TPH2: variants seen among roughly 807,000 people sequenced by gnomAD.
TPH2 encodes tryptophan 5-hydroxylase 2.
Under a neutral mutation model 59.1 loss-of-function variants are expected in TPH2, and 27 were observed. The ratio of observed to expected loss-of-function variants is 0.46; its 90% CI spans 0.34 to 0.63. The LOEUF (loss-of-function observed/expected upper bound fraction) is 0.63, where lower values mean the gene tolerates loss of function less well. TPH2 is among the 30% of genes least tolerant of loss of function. The probability of loss-of-function intolerance (pLI) is 0.01; values close to 1 mark genes in which losing one functional copy is unlikely to be tolerated. For synonymous variants in TPH2, 220 were observed against 210.5 expected (o/e 1.05, Z -0.39); for missense variants, 523 against 588.3 (o/e 0.89, Z 1.15).
intron 5 of TPH2, among the ~76,000 whole-genome samples, chr12:71,952,823 A>C (rs74104735): frequency 0.02 from 3,121 of 152,258 alleles, 96 homozygotes; most frequent in African/African-American, 0.069. Context: ...AAGAACTAAA[A>C]CAGAGAATGC....
intron 4 of TPH2, among the ~76,000 whole-genome samples, chr12:71,947,182 C>A (rs1037080642): frequency 2.0e-5 from 3 of 152,084 alleles, no homozygotes; most frequent in African/African-American, 4.8e-5. Context: ...TCCAGCTCAG[C>A]GATTCTCATC....
intron 7 of TPH2, among the ~76,000 whole-genome samples, chr12:71,986,791 G>A (rs138832591): frequency 6.6e-6 from 1 of 152,252 alleles, no homozygotes; most frequent in African/African-American, 2.4e-5. Flanking sequence ...TCAGCACTCT[G>A]TAGTCAGGGA....
intron 5 of TPH2, 118 bp downstream of exon 5, chr12:71,949,773 TA>T: frequency 1.2e-6 from 1 of 819,166 alleles, no homozygotes; most frequent in South Asian, 1.4e-5. Flanking sequence ...TGAACCATTT[TA>T]AACACTCACC....
intron 7 of TPH2, among the ~76,000 whole-genome samples, chr12:71,990,099 G>A (rs1297385829): frequency 6.6e-6 from 1 of 152,138 alleles, no homozygotes; most frequent in Non-Finnish European, 1.5e-5. Context: ...AGGGATGGGA[G>A]TTAAAAAGAA....
intron 9 of TPH2, among the ~76,000 whole-genome samples, chr12:72,027,101 G>A (rs1360679710): frequency 6.6e-6 from 1 of 151,832 alleles, no homozygotes; most frequent in Non-Finnish European, 1.5e-5. Context: ...TAGATAGTGA[G>A]TGTCACAGGG....
At chr12:72,007,090 C>T (rs1468090753) in intron 8 of TPH2, among the ~76,000 whole-genome samples, 2 of 152,098 alleles carry the variant, frequency 1.3e-5, no homozygotes, top group Non-Finnish European at 2.9e-5. Flanking sequence ...GAAGTGCAGA[C>T]TATGCAGTTT....
At chr12:71,994,716 C>A in intron 8 of TPH2, 151 bp downstream of exon 8, 1 of 982,384 alleles carries the variant, frequency 1.0e-6, no homozygotes, top group Non-Finnish European at 1.5e-6. Context: ...TTTTGAAGCA[C>A]AATGAGTTAT....
intron 8 of TPH2, among the ~76,000 whole-genome samples, chr12:72,002,771 G>T (rs7964252): frequency 0.026 from 3,438 of 131,518 alleles, 139 homozygotes; most frequent in African/African-American, 0.091. Context: ...TTTTTTTTTT[G>T]CAGGAAAGAA....
rs183235245 is a variant in TPH2 at position 71,964,773 on chromosome 12, T to A, written c.609-7746T>A. 7 of 985,000 alleles carry A rather than the reference T, an allele frequency of 7.1e-6. No individual in the cohort carries two copies. The Admixed American group carries it at 4.3e-4, about 60-fold the overall frequency. 61.0% of individuals were successfully genotyped at this position (985,000 alleles called of 1,614,324 possible). A position where few individuals can be genotyped will look rare whatever the true frequency, so the allele number is the denominator to read the frequency against. On this transcript the variant is annotated intron_variant, in intron 5 of 10. Transcript: ENST00000333850. ...TAAGAGTTAATTATAAATTTTGTGA[T>A]GATGAATTTTTTTTTTAACTTTTAC...
At chr12:72,029,410 A>G (rs550108790) in intron 9 of TPH2, among the ~76,000 whole-genome samples, 2 of 152,208 alleles carry the variant, frequency 1.3e-5, no homozygotes, top group Admixed American at 6.5e-5. Context: ...AAATGTAACC[A>G]GAGTGTACGG....
chr12:72,007,226 C>A (rs1872978165), intron 8 of TPH2, among the ~76,000 whole-genome samples: 2 of 152,122 alleles, frequency 1.3e-5, no homozygotes, highest in African/African-American at 4.8e-5. Flanking sequence ...ATGGAGGAGG[C>A]TTCCCCTGAG....
In TPH2 at chr12:72,012,098, C is replaced by G. The variant is rs532819325; in HGVS notation, c.1069-10301C>G. 5.3e-4 allele frequency among the ~76,000 whole-genome samples: 81 copies of G among 152,288 alleles called. 3 individuals are homozygous for G. The South Asian group carries it at 0.015, about 29-fold the overall frequency. On this transcript the variant is annotated intron_variant, in intron 8 of 10. Transcript: ENST00000333850. ...TTGCTTATCTATTTCCTCCCTCCTT[C>G]TCTTCCTTTCTTTCTACCTTAACTA...
At chr12:71,991,700 C>G (rs1027288945) in intron 7 of TPH2, among the ~76,000 whole-genome samples, 1 of 152,152 alleles carries the variant, frequency 6.6e-6, no homozygotes, top group African/African-American at 2.4e-5. Context: ...TCCATAGGGT[C>G]CACTCCCGGC....
rs188487415 is a variant in TPH2, at chr12:71,983,485, G to A, written c.941+4398G>A. On this transcript the variant is annotated intron_variant, in intron 7 of 10. Coordinates refer to ENST00000333850, the MANE Select transcript of TPH2 (RefSeq NM_173353.4). ...AGATGCAGAGTTCCAAGTTATGTAG[G>A]CATGTGAGCGTCGCCTGGCATGTGT... is the stretch of plus-strand genomic sequence containing the variant. Among the ~76,000 whole-genome samples, 463 of 152,228 alleles carry A rather than the reference G, an allele frequency of 3.0e-3. 4 individuals are homozygous for A. Among genetic ancestry groups the A allele is most frequent in the African/African-American group, 0.011 (452 of 41,548 alleles).
intron 1 of TPH2, among the ~76,000 whole-genome samples, chr12:71,940,187 AATG>A (rs1284175742): frequency 6.6e-6 from 1 of 152,198 alleles, no homozygotes; most frequent in Non-Finnish European, 1.5e-5. Flanking sequence ...GGTAATGGTT[AATG>A]TATGACCCTT....
At chr12:71,940,753 C>A (rs967004374) in intron 1 of TPH2, among the ~76,000 whole-genome samples, 1 of 152,092 alleles carries the variant, frequency 6.6e-6, no homozygotes, top group Non-Finnish European at 1.5e-5. Flanking sequence ...TGGAATCTGT[C>A]ATTTTTTTCT....
At chr12:71,953,613 A>G (rs142114243) in intron 5 of TPH2, among the ~76,000 whole-genome samples, 58 of 152,326 alleles carry the variant, frequency 3.8e-4, no homozygotes, top group Non-Finnish European at 6.5e-4. Context: ...CGTGAATACC[A>G]TAATTACTTA....
chr12:72,025,757 G>GA (rs763132282), intron 9 of TPH2, among the ~76,000 whole-genome samples: 2 of 152,198 alleles, frequency 1.3e-5, no homozygotes, highest in South Asian at 2.1e-4. Context: ...GAGTCACCTG[G>GA]AACACTGACT....
rs918828528 is a variant in TPH2, at chr12:71,975,144, C to T, written c.805+2429C>T. On this transcript the variant is annotated intron_variant, in intron 6 of 10. Coordinates refer to ENST00000333850, the MANE Select transcript of TPH2 (RefSeq NM_173353.4). ...GGCGGATCACTTGAGGTCAGGAGTT[C>T]GAGACCAGCCTGGCCAACATGGTGA... Among the ~76,000 whole-genome samples, 8 of 152,068 alleles carry T rather than the reference C, an allele frequency of 5.3e-5. No homozygotes were observed. The East Asian group carries it at 5.8e-4, about 11-fold the overall frequency.
Sources: gnomAD v4.1 joint callset for allele counts (sites outside exome capture counted in the v4.1 genomes callset) on GRCh38, gnomAD v4.1.1 for gene constraint, MANE v1.5 for transcripts, NCBI Gene and HGNC (gene_info 2026-07-23, HGNC 2026-07-21) for gene names.